PSMD9: variants seen among roughly 807,000 people sequenced by gnomAD.
The protein encoded by PSMD9 is proteasome 26S subunit, non-ATPase 9, also known as 26S proteasome non-ATPase regulatory subunit 9.
In PSMD9, 26 loss-of-function variants were observed where a neutral mutation model predicts 25.9. The observed-to-expected ratio is 1.00, with a 90% CI of 0.73 to 1.39. PSMD9 has a LOEUF of 1.39. Among genes scored for constraint, PSMD9 ranks in the 40% most tolerant of loss-of-function variants. The pLI is 0.00. For synonymous variants in PSMD9, 110 were observed against 114.5 expected (o/e 0.96, Z 0.25); for missense variants, 303 against 299.3 (o/e 1.01, Z -0.09).
chr12:121,903,518 G>T (rs1473303314), intron 4 of PSMD9, among the ~76,000 whole-genome samples: 1 of 152,118 alleles, frequency 6.6e-6, no homozygotes, highest in Non-Finnish European at 1.5e-5. Context: ...GGAGTTACTG[G>T]AAGTGTTGCT....
intron 4 of PSMD9, chr12:121,908,166 C>G (rs976306505): frequency 2.0e-5 from 3 of 152,084 alleles, no homozygotes; most frequent in Non-Finnish European, 4.4e-5. Context: ...ACACCCTCTC[C>G]CCTCAAAAAT....
At chr12:121,916,161 T>C (rs1879894411) in intron 5 of PSMD9, 123 bp from the exon 6 acceptor site, 2 of 1,348,508 alleles carry the variant, frequency 1.5e-6, no homozygotes, top group African/African-American at 1.4e-5. Context: ...AGTTCATTCA[T>C]GCACTAGGCA....
chr12:121,900,896 A>G (rs968648654), intron 3 of PSMD9, among the ~76,000 whole-genome samples: 1 of 151,446 alleles, frequency 6.6e-6, no homozygotes, highest in African/African-American at 2.4e-5. Flanking sequence ...GAGGCAGGAG[A>G]ATCGCCTGAA....
chr12:121,912,229 C>T (rs756058338), intron 4 of PSMD9, among the ~76,000 whole-genome samples: 3 of 151,580 alleles, frequency 2.0e-5, no homozygotes, highest in Non-Finnish European at 4.4e-5. Context: ...GTGGTTTTGC[C>T]GTGTTGCCCA....
At chr12:121,907,131 A>G (rs1399315355) in intron 4 of PSMD9, among the ~76,000 whole-genome samples, 1 of 151,810 alleles carries the variant, frequency 6.6e-6, no homozygotes, top group African/African-American at 2.4e-5. Context: ...GTGCAATGGC[A>G]TGATCTCAGC....
chr12:121,900,803 G>T (rs1358716384), intron 3 of PSMD9, among the ~76,000 whole-genome samples: 1 of 151,890 alleles, frequency 6.6e-6, no homozygotes, highest in Non-Finnish European at 1.5e-5. Flanking sequence ...TGGCCAACAT[G>T]GCGAAACCCC....
At chr12:121,891,743 G>A (rs956446191) in intron 1 of PSMD9, among the ~76,000 whole-genome samples, 3 of 151,382 alleles carry the variant, frequency 2.0e-5, no homozygotes, top group East Asian at 1.9e-4. Context: ...CCGTCTCAAC[G>A]AAAAATACAA....
At chr12:121,912,006 CTTATTTATTTAT>C (rs71453586) in intron 4 of PSMD9, among the ~76,000 whole-genome samples, 33,988 of 136,392 alleles carry the variant, frequency 0.25, 4,723 homozygotes, top group East Asian at 0.41. Context: ...AATGAGCTTG[CTTATTTATTTAT>C]TTATTTATTT....
At chr12:121,916,055 G>A (rs528974043) in intron 5 of PSMD9, 111 bp downstream of exon 5, 59 of 1,275,340 alleles carry the variant, frequency 4.6e-5, no homozygotes, top group Admixed American at 1.4e-4. Flanking sequence ...GGAATCCCCA[G>A]TTTGCATGGA....
chr12:121,899,944 G>A, intron 3 of PSMD9, 99 bp downstream of exon 3: 1 of 1,328,808 alleles, frequency 7.5e-7, no homozygotes, highest in Non-Finnish European at 1.1e-6. Context: ...TCTCCGTGCT[G>A]CGGTGCTGAG....
chr12:121,904,107 A>C (rs1321908452), intron 4 of PSMD9, among the ~76,000 whole-genome samples: 2 of 152,252 alleles, frequency 1.3e-5, no homozygotes, highest in East Asian at 1.9e-4. Context: ...GATGGCTGGC[A>C]GTTGCCTATG....
intron 4 of PSMD9, among the ~76,000 whole-genome samples, chr12:121,909,058 G>C (rs1011390340): frequency 1.3e-5 from 2 of 152,130 alleles, no homozygotes; most frequent in Admixed American, 6.6e-5. Flanking sequence ...ATGTTAGGTA[G>C]AGAACAGATT....
At chr12:121,895,873 C>T (rs756357077) in intron 2 of PSMD9, among the ~76,000 whole-genome samples, 3 of 152,180 alleles carry the variant, frequency 2.0e-5, no homozygotes, top group Non-Finnish European at 4.4e-5. Flanking sequence ...GTGTTGGGGG[C>T]CATTATCCAC....
In PSMD9 at chr12:121,916,566, T is replaced by C; in HGVS notation, c.*255T>C. 1.8e-6 allele frequency: 1 copy of C among 549,510 alleles called. No homozygotes were observed. The highest frequency in any genetic ancestry group is 3.2e-6 in the Non-Finnish European group (1 of 307,700). 34.0% of individuals were successfully genotyped at this position (549,510 alleles called of 1,614,324 possible). ...AGGAATTCCCTGGATTGTGGGCAAG[T>C]GGGCGGAAGTTATTCTGGCAGGTAC... On this transcript the variant is annotated 3_prime_UTR_variant, in exon 6 of 6. Transcript: ENST00000541212.
intron 2 of PSMD9, chr12:121,898,385 G>T (rs913780795): frequency 6.6e-6 from 1 of 152,280 alleles, no homozygotes; most frequent in African/African-American, 2.4e-5. Flanking sequence ...CCAATTTTCA[G>T]CTTTTCTGGA....
At chr12:121,899,326 T>C in intron 2 of PSMD9, 1 of 358,498 alleles carries the variant, frequency 2.8e-6, no homozygotes, top group Non-Finnish European at 5.3e-6. Context: ...CTCTCAGGGC[T>C]CACCCGAGAC....
At chr12:121,901,250 C>T (rs559720311) in intron 3 of PSMD9, among the ~76,000 whole-genome samples, 1 of 152,288 alleles carries the variant, frequency 6.6e-6, no homozygotes, top group Admixed American at 6.5e-5. Context: ...TTTGTCTATT[C>T]TGGATATTTC....
intron 1 of PSMD9, among the ~76,000 whole-genome samples, chr12:121,892,375 G>A (rs1461446799): frequency 6.6e-6 from 1 of 151,972 alleles, no homozygotes; most frequent in East Asian, 1.9e-4. Context: ...ACTAGCCTGG[G>A]CAACACAGTA....
intron 4 of PSMD9, among the ~76,000 whole-genome samples, chr12:121,909,261 G>A (rs533463030): frequency 1.3e-5 from 2 of 152,014 alleles, no homozygotes; most frequent in Admixed American, 6.6e-5. Context: ...AAGCACACAA[G>A]TGTGTCCCTC....
Sources: gnomAD v4.1 joint callset for allele counts (sites outside exome capture counted in the v4.1 genomes callset) on GRCh38, gnomAD v4.1.1 for gene constraint, MANE v1.5 for transcripts, NCBI Gene and HGNC (gene_info 2026-07-23, HGNC 2026-07-21) for gene names.